Variants in SEC61A2 observed in about 807,000 individuals in gnomAD.
SEC61A2 encodes the protein SEC61 translocon subunit alpha 2.
SEC61A2 carries 28 observed loss-of-function variants against 59.9 expected under a neutral mutation model. That is an observed-to-expected ratio of 0.47 (90% CI 0.35 to 0.64). The LOEUF (loss-of-function observed/expected upper bound fraction) is 0.64. SEC61A2 is among the 30% of genes least tolerant of loss of function. SEC61A2 has a pLI of 0.01. For missense variants in SEC61A2, 340 were observed against 585.9 expected (o/e 0.58, Z 4.33); for synonymous variants, 202 against 214.4 (o/e 0.94, Z 0.50).
Position 12,155,084 on chromosome 10 carries a change from A to G in SEC61A2, c.463-694A>G, listed in dbSNP as rs955780856. On this transcript the variant is annotated intron_variant, in intron 6 of 11. Coordinates refer to ENST00000298428, the MANE Select transcript of SEC61A2 (RefSeq NM_018144.4). This position sits in a 1 kb window ranked among gnomAD's most constrained non-coding sequence, Gnocchi z 4.3. Reference sequence around the variant, plus strand: ...CCAAGAAGCAAGTTCAGAATTTTCAATATCCCATAAATTAAAGTCAGTATG... The same window carrying G: ...CCAAGAAGCAAGTTCAGAATTTTCAGTATCCCATAAATTAAAGTCAGTATG... Among the ~76,000 whole-genome samples the G allele has an allele frequency of 5.9e-5, 9 of 152,194 alleles. No homozygotes were observed. The highest frequency in any genetic ancestry group is 5.9e-4 in the Admixed American group (9 of 15,274).
Position 12,154,577 on chromosome 10 carries a change from G to A in SEC61A2, c.463-1201G>A, listed in dbSNP as rs1834354648. 6.6e-6 allele frequency among the ~76,000 whole-genome samples: 1 copy of A among 152,176 alleles called. No homozygotes were observed. Among genetic ancestry groups the A allele is most frequent in the Non-Finnish European group, 1.5e-5 (1 of 68,024 alleles). On this transcript the variant is annotated intron_variant, in intron 6 of 11. Coordinates refer to ENST00000298428, the MANE Select transcript of SEC61A2 (RefSeq NM_018144.4). This position sits in a 1 kb window ranked among gnomAD's most constrained non-coding sequence, Gnocchi z 5.2. ...AACCTCTACATTATTTTGTCAAAAT[G>A]TCGAACTTGGTTTTCAAGCAGTAAA...
chr10:12,137,400 G>A (rs1286586848), intron 3 of SEC61A2, among the ~76,000 whole-genome samples: 1 of 151,932 alleles, frequency 6.6e-6, no homozygotes, highest in Non-Finnish European at 1.5e-5. Flanking sequence ...ACTTCCCCAA[G>A]CCCGGGTGAT....
At chr10:12,137,554 C>T (rs1833916900) in intron 3 of SEC61A2, among the ~76,000 whole-genome samples, 1 of 152,142 alleles carries the variant, frequency 6.6e-6, no homozygotes, top group East Asian at 1.9e-4. Context: ...ATCCATCTAC[C>T]TGTATCTCCC....
rs770437154 is a variant in SEC61A2, at chr10:12,164,272, A to C, written c.1249A>C (p.Ile417Leu). 1 of 1,612,710 alleles carries C rather than the reference A, an allele frequency of 6.2e-7. No individual in the cohort carries two copies. The highest frequency in any genetic ancestry group is 1.3e-5 in the African/African-American group (1 of 74,862). Residue 417 changes from isoleucine to leucine, a missense_variant, in exon 12 of 12, where the codon ATC (isoleucine) becomes CTC (leucine). Transcript: ENST00000298428. The surrounding 1 kb of genome is among the most constrained non-coding windows in gnomAD (Gnocchi z 7.3). Reference protein sequence around the residue: ...TSMVHELNRYIPTAAAFGGLC... With the variant: ...TSMVHELNRYLPTAAAFGGLC... ...ACTTGGGGTTCTGTCTCCTAGGTAC[A>C]TCCCCACCGCAGCTGCGTTTGGCGG...
At chr10:12,167,517 CAA>C (rs1274133384), downstream of SEC61A2, 6 of 554,454 alleles carry the variant, frequency 1.1e-5, no homozygotes, top group African/African-American at 1.9e-5. Flanking sequence ...GGAGTTATAA[CAA>C]ATTTAAAGGA....
chr10:12,164,158 G>C lies in SEC61A2; in HGVS notation c.1245-110G>C. ...TGCAGCCTGTTCCCTCTGGAGTTCA[G>C]GGAGGCTTTAGACCCAGCTATGGCT... On this transcript the variant is annotated intron_variant, in intron 11 of 11. Transcript: ENST00000298428. This position sits in a 1 kb window ranked among gnomAD's most constrained non-coding sequence, Gnocchi z 7.3. 1 of 1,263,984 alleles carries C rather than the reference G, an allele frequency of 7.9e-7. No individual in the cohort carries two copies. Among genetic ancestry groups the C allele is most frequent in the Non-Finnish European group, 1.1e-6 (1 of 914,690 alleles). 78.3% of individuals were successfully genotyped at this position (1,263,984 alleles called of 1,614,324 possible). A position where few individuals can be genotyped will look rare whatever the true frequency, so the allele number is the denominator to read the frequency against.
chr10:12,135,690 A>G (rs959372545), intron 2 of SEC61A2, among the ~76,000 whole-genome samples: 2 of 152,104 alleles, frequency 1.3e-5, no homozygotes, highest in African/African-American at 4.8e-5. Flanking sequence ...TTTAGCTCCT[A>G]CTTTTAAGTG....
downstream of SEC61A2, chr10:12,167,936 C>A: frequency 7.0e-7 from 1 of 1,427,218 alleles, no homozygotes; most frequent in South Asian, 1.5e-5. Context: ...CTGGTGATAA[C>A]GTTTTTTTTG....
rs185474079 is a variant in SEC61A2, at chr10:12,148,406, C to T, written c.221-1189C>T. On this transcript the variant is annotated intron_variant, in intron 4 of 11. Coordinates refer to ENST00000298428, the MANE Select transcript of SEC61A2 (RefSeq NM_018144.4). ...GATTACAGGCATGCACCATCATGCCCGGATACTTTTGTATTTTTATTAGAA... is the reference window on the plus strand; with the variant it reads ...GATTACAGGCATGCACCATCATGCCTGGATACTTTTGTATTTTTATTAGAA... Among the ~76,000 whole-genome samples, 63 of 151,574 alleles carry T rather than the reference C, an allele frequency of 4.2e-4. No homozygotes were observed. In the East Asian group the frequency reaches 8.8e-3, roughly 21 times the overall value.
At chr10:12,157,791 G>T (rs1834437491) in intron 8 of SEC61A2, 117 bp from the exon 9 acceptor site, 3 of 937,620 alleles carry the variant, frequency 3.2e-6, no homozygotes, top group Non-Finnish European at 4.9e-6. Flanking sequence ...CTGAGCCCCT[G>T]TGCCCGGCCG....
Position 12,156,823 on chromosome 10 carries a change from A to C in SEC61A2, c.617-84A>C. On this transcript the variant is annotated intron_variant, in intron 7 of 11. Coordinates refer to ENST00000298428, the MANE Select transcript of SEC61A2 (RefSeq NM_018144.4). The surrounding 1 kb of genome is among the most constrained non-coding windows in gnomAD (Gnocchi z 5.2). ...TTTTGACCCATATTTTCTGCTGTAT[A>C]CTGGACTTTCACGGTTAGTTGTTTG... 7.2e-7 allele frequency: 1 copy of C among 1,390,050 alleles called. No homozygotes were observed. 86.1% of individuals were successfully genotyped at this position (1,390,050 alleles called of 1,614,324 possible). A position where few individuals can be genotyped will look rare whatever the true frequency, so the allele number is the denominator to read the frequency against.
At position 12,153,933 on chromosome 10, in the gene SEC61A2, G is replaced by C; in HGVS notation, c.463-1845G>C. ...TTTAGAAATCTACATAGCAGGTCTT[G>C]ACTAAAAATTTTAAAAAACTATTAG... On this transcript the variant is annotated intron_variant, in intron 6 of 11. Coordinates refer to ENST00000298428, the MANE Select transcript of SEC61A2 (RefSeq NM_018144.4). This position sits in a 1 kb window ranked among gnomAD's most constrained non-coding sequence, Gnocchi z 5.2. The C allele has an allele frequency of 1.1e-6, 1 of 900,080 alleles. No homozygotes were observed. Among genetic ancestry groups the C allele is most frequent in the Admixed American group, 3.6e-5 (1 of 27,458 alleles). 55.8% of individuals were successfully genotyped at this position (900,080 alleles called of 1,614,324 possible).
chr10:12,146,036 T>A (rs573028637), intron 4 of SEC61A2, among the ~76,000 whole-genome samples: 1 of 152,310 alleles, frequency 6.6e-6, no homozygotes, highest in Non-Finnish European at 1.5e-5. Flanking sequence ...ATTTTATTTT[T>A]TTAAACCAAA....
At chr10:12,169,447 A>T (rs888323803), downstream of SEC61A2, 14 of 706,020 alleles carry the variant, frequency 2.0e-5, no homozygotes, top group Non-Finnish European at 3.2e-5. This position sits in a 1 kb window ranked among gnomAD's most constrained non-coding sequence, Gnocchi z 4.8. Flanking sequence ...AGGCTACAGA[A>T]CCTGTTTGAT....
Position 12,165,273 on chromosome 10 carries a change from A to G in SEC61A2, c.*819A>G. On this transcript the variant is annotated 3_prime_UTR_variant, in exon 12 of 12. Transcript: ENST00000298428. ...GTAGTTCAGTGGGGGTGAACAATGAATATATTCATGCTAGGAATTTGTGTC... is the reference window on the plus strand; with the variant it reads ...GTAGTTCAGTGGGGGTGAACAATGAGTATATTCATGCTAGGAATTTGTGTC... The G allele has an allele frequency of 1.0e-6, 1 of 985,450 alleles. No individual in the cohort carries two copies. Among genetic ancestry groups the G allele is most frequent in the Non-Finnish European group, 1.2e-6 (1 of 829,928 alleles). The allele number at this position is 985,450 out of a possible 1,614,324, so 61.0% of individuals were successfully genotyped here.
In SEC61A2 at chr10:12,154,396, C is replaced by G. The variant is rs556920598; in HGVS notation, c.463-1382C>G. Among the ~76,000 whole-genome samples the G allele has an allele frequency of 6.6e-6, 1 of 152,220 alleles. No homozygotes were observed. The highest frequency in any genetic ancestry group is 2.4e-5 in the African/African-American group (1 of 41,546). On this transcript the variant is annotated intron_variant, in intron 6 of 11. Transcript: ENST00000298428. This position sits in a 1 kb window ranked among gnomAD's most constrained non-coding sequence, Gnocchi z 5.2. ...GTTGTTTCAGAGCTGCTGTGGGACT[C>G]TGGAGAGGTCATTTCTCAAGGCCCA...
At position 12,134,848 on chromosome 10, in the gene SEC61A2, GGTA is replaced by G. The variant is rs1466657852; in HGVS notation, c.76-1255_76-1253del. Among the ~76,000 whole-genome samples, 167 of 152,132 alleles carry G rather than the reference GGTA, an allele frequency of 1.1e-3. 1 individual carries two copies. Among genetic ancestry groups the G allele is most frequent in the African/African-American group, 3.9e-3 (161 of 41,510 alleles). Reference sequence around the variant, plus strand: ...CAGGAGAATCGCTTGAACCTGGGGTGGTAGAGGTTGCAGTGAGCCGAGACTGCG... The same window carrying G: ...CAGGAGAATCGCTTGAACCTGGGGTGGAGGTTGCAGTGAGCCGAGACTGCG... On this transcript the variant is annotated intron_variant, in intron 2 of 11. Transcript: ENST00000298428.
chr10:12,153,876 A>G lies in SEC61A2; in HGVS notation c.463-1902A>G. On this transcript the variant is annotated intron_variant, in intron 6 of 11. Transcript: ENST00000298428. The surrounding 1 kb of genome is among the most constrained non-coding windows in gnomAD (Gnocchi z 5.2). ...TTCTCACCTTATTTGTTTATGTTTC[A>G]TTCACGTGGTTAGTGTTTTTCAGCT... 1 of 1,435,840 alleles carries G rather than the reference A, an allele frequency of 7.0e-7. No individual in the cohort carries two copies. Among genetic ancestry groups the G allele is most frequent in the Non-Finnish European group, 9.4e-7 (1 of 1,066,352 alleles). The allele number at this position is 1,435,840 out of a possible 1,614,324, so 88.9% of individuals were successfully genotyped here.
Position 12,142,556 on chromosome 10 carries a change from G to T in SEC61A2, c.142-561G>T. On this transcript the variant is annotated intron_variant, in intron 3 of 11. Transcript: ENST00000298428. The surrounding 1 kb of genome is among the most constrained non-coding windows in gnomAD (Gnocchi z 5.4). Reference sequence around the variant, plus strand: ...ATAGAGCTTTGCAAAATCATTCTACGACCAGGCAGGTATAATATTCCATAA... The same window carrying T: ...ATAGAGCTTTGCAAAATCATTCTACTACCAGGCAGGTATAATATTCCATAA... The T allele has an allele frequency of 6.2e-6, 6 of 972,620 alleles. No individual in the cohort carries two copies. Among genetic ancestry groups the T allele is most frequent in the Non-Finnish European group, 7.3e-6 (6 of 818,330 alleles). 60.2% of individuals were successfully genotyped at this position (972,620 alleles called of 1,614,324 possible).
Sources: gnomAD v4.1 joint callset for allele counts (sites outside exome capture counted in the v4.1 genomes callset) on GRCh38, gnomAD v4.1.1 for gene constraint, Gnocchi (gnomAD v3.1) non-coding constraint, MANE v1.5 for transcripts, NCBI Gene and HGNC (gene_info 2026-07-23, HGNC 2026-07-21) for gene names.